ZNF93: variants seen among roughly 807,000 people sequenced by gnomAD.
ZNF93 encodes the protein zinc finger protein 505.
Under a neutral mutation model 45.0 loss-of-function variants are expected in ZNF93, and 29 were observed. That is an observed-to-expected ratio of 0.64 (90% CI 0.48 to 0.88). The LOEUF (loss-of-function observed/expected upper bound fraction) is 0.88, where lower values mean the gene tolerates loss of function less well. Among genes scored for constraint, ZNF93 ranks in the 40% least tolerant of loss-of-function variants. The probability of loss-of-function intolerance (pLI) is 0.00; values close to 1 mark genes in which losing one functional copy is unlikely to be tolerated. For missense variants in ZNF93, 578 were observed against 724.0 expected, an observed-to-expected ratio of 0.80 and a Z score of 2.31; for synonymous variants, 223 against 244.6, an observed-to-expected ratio of 0.91 and a Z score of 0.82.
At chr19:19,902,859 C>T (rs1223990768) in intron 1 of ZNF93, among the ~76,000 whole-genome samples, 1 of 151,594 alleles carries the variant, frequency 6.6e-6, no homozygotes, top group Non-Finnish European at 1.5e-5. Flanking sequence ...GCCTGAGCCT[C>T]CCGAGTAGCT....
chr19:19,901,122 C>T, intron 1 of ZNF93, 31 bp downstream of exon 1: 1 of 1,613,140 alleles, frequency 6.2e-7, no homozygotes, highest in Non-Finnish European at 8.5e-7. Context: ...TCCCAAGCGA[C>T]GGGGAGGGGC....
intron 1 of ZNF93, among the ~76,000 whole-genome samples, chr19:19,906,251 CATT>C (rs1443463721): frequency 6.6e-6 from 1 of 152,058 alleles, no homozygotes; most frequent in Non-Finnish European, 1.5e-5. Context: ...GGTGGTATCT[CATT>C]GTGGTTTTTC....
chr19:19,929,379 T>C (rs2063365606), intron 3 of ZNF93, among the ~76,000 whole-genome samples: 1 of 152,208 alleles, frequency 6.6e-6, no homozygotes, highest in African/African-American at 2.4e-5. Context: ...GTCTAAGTTT[T>C]TTGGTTGTTA....
chr19:19,902,135 GTGTT>G (rs1482923399), intron 1 of ZNF93, among the ~76,000 whole-genome samples: 2 of 152,084 alleles, frequency 1.3e-5, no homozygotes, highest in Non-Finnish European at 2.9e-5. Flanking sequence ...TGTAAATACT[GTGTT>G]TGAGTAATTT....
At chr19:19,904,485 G>C (rs1382940171) in intron 1 of ZNF93, among the ~76,000 whole-genome samples, 3 of 152,150 alleles carry the variant, frequency 2.0e-5, no homozygotes, top group Non-Finnish European at 4.4e-5. Flanking sequence ...CAGCAGCTCA[G>C]AAGCATAGAT....
At chr19:19,927,968 G>A (rs765698232) in intron 3 of ZNF93, among the ~76,000 whole-genome samples, 41 of 152,212 alleles carry the variant, frequency 2.7e-4, no homozygotes, top group Non-Finnish European at 2.9e-4. Context: ...GGCTAGTCTC[G>A]AACTTCTGAC....
intron 3 of ZNF93, among the ~76,000 whole-genome samples, chr19:19,925,805 T>C (rs1319684416): frequency 7.9e-5 from 12 of 152,172 alleles, no homozygotes; most frequent in Admixed American, 7.9e-4. Context: ...CTGCAAAATA[T>C]GTATTTTCTT....
rs192451912 is a variant in ZNF93 at position 19,923,659 on chromosome 19, T to A, written c.226+7004T>A. Among the ~76,000 whole-genome samples the A allele has an allele frequency of 1.4e-3, 218 of 152,280 alleles. 1 individual carries two copies. Among genetic ancestry groups the A allele is most frequent in the African/African-American group, 5.1e-3 (214 of 41,564 alleles). Reference sequence around the variant, plus strand: ...GCCTCGCTGGTGCCTTAAAGTTTGATCTCAGACTGCTGTGCTAGCAATGAG... The same window carrying A: ...GCCTCGCTGGTGCCTTAAAGTTTGAACTCAGACTGCTGTGCTAGCAATGAG... On this transcript the variant is annotated intron_variant, in intron 3 of 3. Transcript: ENST00000343769.
At chr19:19,918,922 A>G (rs1219671156) in intron 3 of ZNF93, among the ~76,000 whole-genome samples, 1 of 148,516 alleles carries the variant, frequency 6.7e-6, no homozygotes, top group Non-Finnish European at 1.5e-5. Context: ...CTCTGATGGT[A>G]GTTTTTTTTT....
At chr19:19,902,738 C>CTT (rs35918160) in intron 1 of ZNF93, among the ~76,000 whole-genome samples, 28 of 135,708 alleles carry the variant, frequency 2.1e-4, no homozygotes, top group African/African-American at 5.8e-4. Context: ...CTGGGAGGAT[C>CTT]TTTTTTTTTT....
chr19:19,927,120 T>C, intron 3 of ZNF93: 1 of 398,556 alleles, frequency 2.5e-6, no homozygotes, highest in Non-Finnish European at 4.4e-6. Context: ...GGGCCAGGTG[T>C]GGTTGTGGTG....
At chr19:19,922,053 A>G (rs921695853) in intron 3 of ZNF93, among the ~76,000 whole-genome samples, 1 of 152,022 alleles carries the variant, frequency 6.6e-6, no homozygotes, top group Non-Finnish European at 1.5e-5. Context: ...GGTCTTTACT[A>G]TTTGGCATGT....
intron 1 of ZNF93, chr19:19,908,455 T>C (rs2122164269): frequency 6.6e-6 from 1 of 152,346 alleles, no homozygotes; most frequent in Middle Eastern, 3.4e-3. Flanking sequence ...TGTTTAGAAA[T>C]AAATTGCTTT....
chr19:19,921,953 A>G (rs151059454), intron 3 of ZNF93, among the ~76,000 whole-genome samples: 2,170 of 152,290 alleles, frequency 0.014, 32 homozygotes, highest in Non-Finnish European at 0.022. Context: ...ATTTAAGGTT[A>G]ATATTGTTAT....
At position 19,923,964 on chromosome 19, in the gene ZNF93, G is replaced by C. The variant is rs1034069374; in HGVS notation, c.226+7309G>C. Among the ~76,000 whole-genome samples the C allele has an allele frequency of 1.3e-5, 2 of 152,152 alleles. 1 individual carries two copies. The highest frequency in any genetic ancestry group is 4.1e-4 in the South Asian group (2 of 4,830). On this transcript the variant is annotated intron_variant, in intron 3 of 3. Coordinates refer to ENST00000343769, the MANE Select transcript of ZNF93 (RefSeq NM_031218.4). Reference sequence around the variant, plus strand: ...GACAATTCCCAGTGAGATGAACCCGGTACCTCAGTTGGAGATGCAGAAATC... The same window carrying C: ...GACAATTCCCAGTGAGATGAACCCGCTACCTCAGTTGGAGATGCAGAAATC...
At chr19:19,904,881 A>C (rs2063288091) in intron 1 of ZNF93, among the ~76,000 whole-genome samples, 1 of 152,080 alleles carries the variant, frequency 6.6e-6, no homozygotes, top group Admixed American at 6.6e-5. Context: ...ACTCACAAAA[A>C]CACACACACT....
chr19:19,910,799 T>G (rs903221268), intron 1 of ZNF93, among the ~76,000 whole-genome samples: 2 of 152,088 alleles, frequency 1.3e-5, no homozygotes. Flanking sequence ...GCAGATAAGG[T>G]CTGGCCTCTG....
At chr19:19,929,709 C>A (rs1050700623) in intron 3 of ZNF93, among the ~76,000 whole-genome samples, 5 of 151,702 alleles carry the variant, frequency 3.3e-5, no homozygotes, top group African/African-American at 7.3e-5. Context: ...GAGGCCGAGG[C>A]GGGCGGATCA....
At chr19:19,929,335 T>A (rs950022499) in intron 3 of ZNF93, among the ~76,000 whole-genome samples, 3 of 152,216 alleles carry the variant, frequency 2.0e-5, no homozygotes, top group African/African-American at 7.2e-5. Context: ...AGTATTTCTC[T>A]ATATGCAAAA....
Sources: gnomAD v4.1 joint callset for allele counts (sites outside exome capture counted in the v4.1 genomes callset) on GRCh38, gnomAD v4.1.1 for gene constraint, MANE v1.5 for transcripts, NCBI Gene and HGNC (gene_info 2026-07-23, HGNC 2026-07-21) for gene names.